The following RABGAP1L variants were observed in gnomAD, a reference collection of about 807,000 sequenced individuals.
RABGAP1L encodes RAB GTPase activating protein 1 like, also known as rab GTPase-activating protein 1-like.
Under a neutral mutation model 137.7 loss-of-function variants are expected in RABGAP1L, and 63 were observed. That is an observed-to-expected ratio of 0.46 (90% confidence interval 0.37 to 0.56). The LOEUF (loss-of-function observed/expected upper bound fraction) is 0.56. Ranked by LOEUF, RABGAP1L falls within the 20% of genes least tolerant of loss-of-function variation. The probability of loss-of-function intolerance (pLI) is 0.00; values close to 1 mark genes in which losing one functional copy is unlikely to be tolerated. For synonymous variants in RABGAP1L, 431 were observed against 433.7 expected (o/e 0.99, Z 0.08); for missense variants, 1,095 against 1,244.0 (o/e 0.88, Z 1.80).
intron 10 of RABGAP1L, among the ~76,000 whole-genome samples, chr1:174,281,004 G>C (rs1675479196): frequency 6.6e-6 from 1 of 152,040 alleles, no homozygotes. Context: ...GCTCTTAAAG[G>C]TGGCGTGTCT....
At chr1:174,548,378 C>A in intron 13 of RABGAP1L, 1 of 1,020,724 alleles carries the variant, frequency 9.8e-7, no homozygotes, top group Non-Finnish European at 1.2e-6. Flanking sequence ...GTCCTGTCTA[C>A]CATATATTTA....
Position 174,532,321 on chromosome 1 carries a change from G to C in RABGAP1L, c.1711-105054G>C, listed in dbSNP as rs148763223. On this transcript the variant is annotated intron_variant, in intron 13 of 25. Transcript: ENST00000681986. ...CCTCCCGGGTTCGAGCAAGTCTCCT[G>C]CCTCAGCCTCCTGAGTATCTGGGAC... Among the ~76,000 whole-genome samples, 1,290 of 151,902 alleles carry C rather than the reference G, an allele frequency of 8.5e-3. 10 individuals are homozygous for C. The highest frequency in any genetic ancestry group is 0.029 in the African/African-American group (1,216 of 41,394).
At chr1:174,603,186 AAC>A (rs1670541093) in intron 13 of RABGAP1L, among the ~76,000 whole-genome samples, 1 of 152,214 alleles carries the variant, frequency 6.6e-6, no homozygotes, top group African/African-American at 2.4e-5. Flanking sequence ...TCAAACCAGT[AAC>A]ACTATGACTC....
At chr1:174,689,398 G>T (rs1678715550) in intron 15 of RABGAP1L, among the ~76,000 whole-genome samples, 3 of 151,904 alleles carry the variant, frequency 2.0e-5, no homozygotes, top group African/African-American at 7.3e-5. Context: ...GACTCTTTCT[G>T]CTGCATGTGA....
intron 13 of RABGAP1L, among the ~76,000 whole-genome samples, chr1:174,628,059 A>G (rs1250824569): frequency 2.0e-5 from 3 of 152,082 alleles, no homozygotes; most frequent in Non-Finnish European, 4.4e-5. Context: ...TGTCCTTCCT[A>G]TCCTTCTTCT....
intron 13 of RABGAP1L, among the ~76,000 whole-genome samples, chr1:174,570,110 T>C (rs1667868095): frequency 6.6e-6 from 1 of 152,224 alleles, no homozygotes; most frequent in Non-Finnish European, 1.5e-5. Context: ...AACAAAAAGA[T>C]GTTGAAATTA....
intron 1 of RABGAP1L, among the ~76,000 whole-genome samples, chr1:174,218,744 G>C (rs1669532486): frequency 6.6e-6 from 1 of 151,978 alleles, no homozygotes; most frequent in South Asian, 2.1e-4. Flanking sequence ...ATATGGTTTT[G>C]TGTCTGTGTG....
At chr1:174,645,444 T>C (rs1674888687) in intron 14 of RABGAP1L, among the ~76,000 whole-genome samples, 1 of 142,378 alleles carries the variant, frequency 7.0e-6, no homozygotes, top group Admixed American at 7.1e-5. Context: ...TGTGCCCATA[T>C]GTTCTCATTG....
intron 12 of RABGAP1L, among the ~76,000 whole-genome samples, chr1:174,390,378 C>G (rs549116672): frequency 6.6e-6 from 1 of 152,220 alleles, no homozygotes; most frequent in South Asian, 2.1e-4. Context: ...GTAAAGTATT[C>G]ATTGGGGACT....
chr1:174,844,154 T>C (rs1477184632), intron 19 of RABGAP1L, among the ~76,000 whole-genome samples: 1 of 145,216 alleles, frequency 6.9e-6, no homozygotes, highest in African/African-American at 2.5e-5. Context: ...GTTGCGAAAA[T>C]TTTCTCCCAT....
chr1:174,422,240 T>C (rs917848881), intron 13 of RABGAP1L, among the ~76,000 whole-genome samples: 1 of 152,180 alleles, frequency 6.6e-6, no homozygotes, highest in East Asian at 1.9e-4. Context: ...CATTTTGCAC[T>C]GATTCTGTGG....
chr1:174,655,684 A>G (rs998516208), intron 14 of RABGAP1L, among the ~76,000 whole-genome samples: 13 of 152,140 alleles, frequency 8.5e-5, no homozygotes, highest in African/African-American at 2.9e-4. Flanking sequence ...CAGACTTTCA[A>G]TTTATTAGTT....
intron 12 of RABGAP1L, among the ~76,000 whole-genome samples, chr1:174,371,424 G>GT (rs1459335538): frequency 2.6e-5 from 4 of 151,838 alleles, no homozygotes; most frequent in Admixed American, 1.3e-4. Flanking sequence ...AAAGGGTTAT[G>GT]TTTTTTTAAA....
chr1:174,305,276 A>C (rs2148771292), intron 11 of RABGAP1L, 149 bp downstream of exon 11: 1 of 691,682 alleles, frequency 1.4e-6, no homozygotes, highest in East Asian at 3.4e-5. Flanking sequence ...GCAGAAAAGA[A>C]TTTGGTTCAT....
At chr1:174,527,779 C>T (rs1362593605) in intron 13 of RABGAP1L, among the ~76,000 whole-genome samples, 1 of 151,664 alleles carries the variant, frequency 6.6e-6, no homozygotes, top group East Asian at 1.9e-4. Context: ...CTCCTTAGGT[C>T]TAATAATATT....
At chr1:174,533,180 G>A (rs1664585204) in intron 13 of RABGAP1L, among the ~76,000 whole-genome samples, 1 of 152,202 alleles carries the variant, frequency 6.6e-6, no homozygotes, top group Admixed American at 6.5e-5. Flanking sequence ...GTTGCAGTGA[G>A]CCAAGATCGC....
In RABGAP1L at chr1:174,767,527, C is replaced by CT. The variant is rs34412988; in HGVS notation, c.2211+15187dup. ...GTATCCAAAAATACAACTGACTTTC[C>CT]TTTTTTTTTTTTTTGAGACGGAGTC... On this transcript the variant is annotated intron_variant, in intron 18 of 25. Transcript: ENST00000681986. Among the ~76,000 whole-genome samples the CT allele has an allele frequency of 1.7e-3, 228 of 137,686 alleles. 1 individual carries two copies. Among genetic ancestry groups the CT allele is most frequent in the African/African-American group, 4.9e-3 (191 of 38,736 alleles). The allele number at this position is 137,686 out of a possible 152,430, so 90.3% of individuals were successfully genotyped here. A position where few individuals can be genotyped will look rare whatever the true frequency, so the allele number is the denominator to read the frequency against.
At chr1:174,206,359 T>G (rs942696703) in intron 1 of RABGAP1L, among the ~76,000 whole-genome samples, 7 of 152,158 alleles carry the variant, frequency 4.6e-5, no homozygotes, top group Admixed American at 6.6e-5. Context: ...ACTAGAGTAG[T>G]GGATAGACTG....
chr1:174,962,202 C>CAA (rs1553295774), intron 20 of RABGAP1L, among the ~76,000 whole-genome samples: 1 of 109,306 alleles, frequency 9.1e-6, no homozygotes, highest in Non-Finnish European at 2.0e-5. Context: ...ATACACCCCC[C>CAA]CCCCACACAC....
Sources: gnomAD v4.1 joint callset for allele counts (sites outside exome capture counted in the v4.1 genomes callset) on GRCh38, gnomAD v4.1.1 for gene constraint, MANE v1.5 for transcripts, NCBI Gene and HGNC (gene_info 2026-07-23, HGNC 2026-07-21) for gene names.